The following ANKDD1B variants were observed in gnomAD, a reference collection of about 807,000 sequenced individuals.
ANKDD1B encodes ankyrin repeat and death domain containing 1B.
ANKDD1B carries 57 observed loss-of-function variants against 59.7 expected under a neutral mutation model. That is an observed-to-expected ratio of 0.95 (90% CI 0.77 to 1.19). The LOEUF (loss-of-function observed/expected upper bound fraction) is 1.19, where lower values mean the gene tolerates loss of function less well. Ranked by LOEUF, ANKDD1B falls within the 50% of genes most tolerant of loss-of-function variation. The probability of loss-of-function intolerance (pLI) is 0.00; values close to 1 mark genes in which losing one functional copy is unlikely to be tolerated. For missense variants in ANKDD1B, 602 were observed against 641.9 expected (o/e 0.94, Z 0.67); for synonymous variants, 216 against 239.5 (o/e 0.90, Z 0.91).
intron 5 of ANKDD1B, among the ~76,000 whole-genome samples, chr5:75,627,277 G>A (rs1774019516): frequency 6.6e-6 from 1 of 152,150 alleles, no homozygotes; most frequent in African/African-American, 2.4e-5. Context: ...GAGAAGTCTT[G>A]TCCCACATAT....
At chr5:75,648,786 C>G (rs1037744172) in intron 7 of ANKDD1B, among the ~76,000 whole-genome samples, 2 of 152,190 alleles carry the variant, frequency 1.3e-5, no homozygotes, top group Admixed American at 1.3e-4. Flanking sequence ...AGAACACACA[C>G]GAGCCCGGGA....
intron 2 of ANKDD1B, among the ~76,000 whole-genome samples, chr5:75,620,047 A>G (rs1029610608): frequency 1.2e-4 from 19 of 152,336 alleles, no homozygotes; most frequent in African/African-American, 3.8e-4. Context: ...ACATAATGCT[A>G]CAATACAGTA....
intron 7 of ANKDD1B, among the ~76,000 whole-genome samples, chr5:75,642,305 C>G (rs913562237): frequency 3.8e-4 from 58 of 152,094 alleles, no homozygotes; most frequent in Non-Finnish European, 7.2e-4. Context: ...ACGCAGAAGA[C>G]AGGTGATTTC....
At chr5:75,626,768 T>C (rs570243224) in intron 5 of ANKDD1B, among the ~76,000 whole-genome samples, 30 of 148,772 alleles carry the variant, frequency 2.0e-4, no homozygotes, top group Non-Finnish European at 3.6e-4. Context: ...CCGGAATATC[T>C]CCCTCTAGGC....
intron 13 of ANKDD1B, among the ~76,000 whole-genome samples, chr5:75,670,326 G>A (rs1775440755): frequency 6.6e-6 from 1 of 152,152 alleles, no homozygotes; most frequent in African/African-American, 2.4e-5. Flanking sequence ...TTTACTAGTG[G>A]TATTTCCATT....
intron 11 of ANKDD1B, among the ~76,000 whole-genome samples, chr5:75,663,878 A>G (rs1775233155): frequency 6.6e-6 from 1 of 152,214 alleles, no homozygotes; most frequent in African/African-American, 2.4e-5. Flanking sequence ...GGCAGTTTTC[A>G]ACACACCGCT....
At chr5:75,625,800 G>A in intron 4 of ANKDD1B, 51 bp from the exon 5 acceptor site, 1 of 1,529,552 alleles carries the variant, frequency 6.5e-7, no homozygotes, top group East Asian at 2.4e-5. Flanking sequence ...TTGCAGGAGA[G>A]AGGAAGTTCT....
intron 7 of ANKDD1B, among the ~76,000 whole-genome samples, chr5:75,641,832 A>C (rs1422442): frequency 0.039 from 5,962 of 152,302 alleles, 351 homozygotes; most frequent in African/African-American, 0.13. Context: ...CCACACATGG[A>C]AAATTATGTT....
rs922039759 is a variant in ANKDD1B at position 75,656,024 on chromosome 5, T to G, written c.898-5T>G. Reference sequence around the variant, plus strand: ...TGGATTTGAAATTTTTATTTCTCTCTGCAGCCTAAGGAGTCCCCTCTTCAT... The same window carrying G: ...TGGATTTGAAATTTTTATTTCTCTCGGCAGCCTAAGGAGTCCCCTCTTCAT... On this transcript the variant is annotated splice_polypyrimidine_tract_variant and splice_region_variant and intron_variant, in intron 8 of 13. Coordinates refer to ENST00000601380, the MANE Select transcript of ANKDD1B (RefSeq NM_001276713.2). 3.6e-6 allele frequency: 5 copies of G among 1,397,796 alleles called. No individual in the cohort carries two copies. Among genetic ancestry groups the G allele is most frequent in the Non-Finnish European group, 4.9e-6 (5 of 1,028,626 alleles). 86.6% of individuals were successfully genotyped at this position (1,397,796 alleles called of 1,614,324 possible).
At chr5:75,651,622 G>A (rs1469377396) in intron 7 of ANKDD1B, among the ~76,000 whole-genome samples, 1 of 152,174 alleles carries the variant, frequency 6.6e-6, no homozygotes, top group African/African-American at 2.4e-5. Flanking sequence ...CTTTCTTGGG[G>A]CTAATACCAA....
chr5:75,664,372 C>T (rs1012869780), intron 11 of ANKDD1B, among the ~76,000 whole-genome samples: 2 of 152,232 alleles, frequency 1.3e-5, no homozygotes, highest in Admixed American at 1.3e-4. Context: ...GTCACACCAT[C>T]CTCCTTGCAA....
At chr5:75,639,485 C>A (rs777561119) in intron 7 of ANKDD1B, among the ~76,000 whole-genome samples, 1 of 152,170 alleles carries the variant, frequency 6.6e-6, no homozygotes. Context: ...GCATGAGCCA[C>A]TGCACCCGGC....
chr5:75,669,400 A>G lies in ANKDD1B; in HGVS notation c.1525+17A>G. 1.6e-6 allele frequency: 2 copies of G among 1,232,002 alleles called. No individual in the cohort carries two copies. The highest frequency in any genetic ancestry group is 2.0e-6 in the Non-Finnish European group (2 of 987,812). 76.3% of individuals were successfully genotyped at this position (1,232,002 alleles called of 1,614,324 possible). On this transcript the variant is annotated intron_variant, in intron 13 of 13. Coordinates refer to ENST00000601380, the MANE Select transcript of ANKDD1B (RefSeq NM_001276713.2). ...AACTAGCTGGTAAGTGACAGTTTCA[A>G]CAACAGAAATTCTTTCTCCCTTAAA...
rs1425885114 is a variant in ANKDD1B, at chr5:75,634,935, G to T, written c.638G>T (p.Gly213Val). The T allele has an allele frequency of 6.5e-7, 1 of 1,535,612 alleles. No homozygotes were observed. The highest frequency in any genetic ancestry group is 8.7e-7 in the Non-Finnish European group (1 of 1,146,382). Reference protein sequence around the residue: ...RKPFLLAAERGHVEMIEKLTF... With the variant: ...RKPFLLAAERVHVEMIEKLTF... ...CCATTTCTTTTGGCAGCTGAGAGGG[G>T]CCATGTTGAAATGATAGAAAAACTT... The change falls in exon 6 of 14, where the codon GGC becomes GTC. Residue 213 changes from glycine (G) to valine (V), a missense_variant. This residue lies in a region of ANKDD1B where 317 missense variants were observed against 304.6 expected (regional missense o/e 1.04). Transcript: ENST00000601380.
intron 5 of ANKDD1B, among the ~76,000 whole-genome samples, chr5:75,632,653 C>T (rs192750093): frequency 2.0e-3 from 297 of 152,276 alleles, no homozygotes; most frequent in African/African-American, 6.6e-3. Context: ...AACAAGTGCT[C>T]TTTTCTTCTG....
At chr5:75,649,422 ATATT>A (rs1194371621) in intron 7 of ANKDD1B, among the ~76,000 whole-genome samples, 9 of 152,266 alleles carry the variant, frequency 5.9e-5, no homozygotes, top group South Asian at 2.1e-4. Flanking sequence ...TGTCAATTAA[ATATT>A]TATTCACTTC....
chr5:75,652,782 G>A (rs74664877), intron 7 of ANKDD1B, among the ~76,000 whole-genome samples: 1,992 of 152,214 alleles, frequency 0.013, 40 homozygotes, highest in African/African-American at 0.046. Context: ...TGAATGACAG[G>A]GATATGTTAT....
chr5:75,664,650 G>A (rs2112028971), intron 11 of ANKDD1B, among the ~76,000 whole-genome samples: 1 of 152,074 alleles, frequency 6.6e-6, no homozygotes, highest in East Asian at 1.9e-4. Context: ...AATATTCATT[G>A]GTTCTATTTT....
intron 5 of ANKDD1B, among the ~76,000 whole-genome samples, chr5:75,630,138 G>T (rs75571767): frequency 0.014 from 2,058 of 152,164 alleles, 54 homozygotes; most frequent in African/African-American, 0.046. Flanking sequence ...AGTAAGGGAG[G>T]TCCTATGAGA....
Sources: allele counts gnomAD v4.1 joint callset (sites outside exome capture counted in the v4.1 genomes callset), GRCh38; gene constraint gnomAD v4.1.1; regional missense constraint gnomAD v4.1.1; transcripts MANE v1.5; gene names NCBI Gene and HGNC (gene_info 2026-07-23, HGNC 2026-07-21).